DOK6: variants seen among roughly 807,000 people sequenced by gnomAD.
DOK6 encodes docking protein 6, also known as downstream of tyrosine kinase 6.
Under a neutral mutation model 44.0 loss-of-function variants are expected in DOK6, and 22 were observed. The ratio of observed to expected loss-of-function variants is 0.50; its 90% CI spans 0.36 to 0.71. The LOEUF is 0.71. DOK6 is among the 30% of genes least tolerant of loss of function. DOK6 has a pLI of 0.00. For missense variants in DOK6, 340 were observed against 416.4 expected, an observed-to-expected ratio of 0.82 and a Z score of 1.60; for synonymous variants, 166 against 145.5, an observed-to-expected ratio of 1.14 and a Z score of -1.01.
In DOK6 at chr18:69,630,089, A is replaced by C. The variant is rs1454426090; in HGVS notation, c.289+30591A>C. 3.3e-5 allele frequency among the ~76,000 whole-genome samples: 5 copies of C among 152,290 alleles called. No homozygotes were observed. The East Asian group carries it at 9.6e-4, about 29-fold the overall frequency. On this transcript the variant is annotated intron_variant, in intron 3 of 7. Coordinates refer to ENST00000382713, the MANE Select transcript of DOK6 (RefSeq NM_152721.6). ...GCACACTTCCAGCAGAAACTGTAAT[A>C]TACAGATGACTCTGCATTTGATGGT...
chr18:69,808,579 T>G (rs989511162), intron 7 of DOK6, among the ~76,000 whole-genome samples: 2 of 151,612 alleles, frequency 1.3e-5, no homozygotes, highest in African/African-American at 4.8e-5. Context: ...GTAAATAAAA[T>G]GAGAACTGAA....
chr18:69,678,504 T>C (rs942010688), intron 4 of DOK6, among the ~76,000 whole-genome samples: 1 of 152,184 alleles, frequency 6.6e-6, no homozygotes, highest in Non-Finnish European at 1.5e-5. Flanking sequence ...GCTTATCAGG[T>C]TATCGGTAGC....
rs527951968 is a variant in DOK6 at position 69,546,600 on chromosome 18, T to C, written c.67-17887T>C. ...AAGAAAATACAATCGTATTTCACAG[T>C]CCAAGTTATATGCTCTTTGCCTTTT... On this transcript the variant is annotated intron_variant, in intron 1 of 7. Coordinates refer to ENST00000382713, the MANE Select transcript of DOK6 (RefSeq NM_152721.6). Among the ~76,000 whole-genome samples, 159 of 151,810 alleles carry C rather than the reference T, an allele frequency of 1.0e-3. 8 individuals are homozygous for C. Among genetic ancestry groups the C allele is most frequent in the Middle Eastern group, 3.4e-3 (1 of 294 alleles).
At chr18:69,762,954 AT>A (rs1421713514) in intron 7 of DOK6, among the ~76,000 whole-genome samples, 1 of 152,176 alleles carries the variant, frequency 6.6e-6, no homozygotes, top group African/African-American at 2.4e-5. Flanking sequence ...CAGTAATCTG[AT>A]TTCCTTGTTT....
intron 3 of DOK6, among the ~76,000 whole-genome samples, chr18:69,604,504 T>C (rs974416326): frequency 1.3e-5 from 2 of 152,208 alleles, no homozygotes; most frequent in African/African-American, 4.8e-5. Flanking sequence ...TAGCAAATGG[T>C]TTTCAACTAC....
At chr18:69,569,248 T>C (rs1983058284) in intron 2 of DOK6, among the ~76,000 whole-genome samples, 1 of 152,176 alleles carries the variant, frequency 6.6e-6, no homozygotes. Context: ...CTCTTAAATA[T>C]GTACATAAAC....
chr18:69,434,207 A>G (rs556837560), intron 1 of DOK6, among the ~76,000 whole-genome samples: 11 of 152,256 alleles, frequency 7.2e-5, no homozygotes, highest in African/African-American at 1.9e-4. Flanking sequence ...GTGGTTTTCA[A>G]TTTCTCTACC....
intron 5 of DOK6, among the ~76,000 whole-genome samples, chr18:69,720,730 T>G (rs1480321754): frequency 6.6e-6 from 1 of 152,210 alleles, no homozygotes. Flanking sequence ...AAATACTTAT[T>G]TCTTTTAGTA....
intron 1 of DOK6, among the ~76,000 whole-genome samples, chr18:69,442,536 T>C (rs1291526258): frequency 6.6e-6 from 1 of 152,198 alleles, no homozygotes; most frequent in Non-Finnish European, 1.5e-5. Context: ...ACTGCCCCCA[T>C]GATCTAATCA....
intron 1 of DOK6, among the ~76,000 whole-genome samples, chr18:69,550,398 A>G (rs1982530851): frequency 6.6e-6 from 1 of 152,232 alleles, no homozygotes; most frequent in Non-Finnish European, 1.5e-5. Context: ...AAAACAAAAC[A>G]GAATAAAAAC....
chr18:69,832,261 G>A (rs1981921997), intron 7 of DOK6, among the ~76,000 whole-genome samples: 1 of 152,068 alleles, frequency 6.6e-6, no homozygotes, highest in African/African-American at 2.4e-5. Flanking sequence ...ACTTTATCAA[G>A]TGCTTCTATA....
At chr18:69,709,415 T>A (rs1427276543) in intron 5 of DOK6, among the ~76,000 whole-genome samples, 2 of 152,220 alleles carry the variant, frequency 1.3e-5, no homozygotes, top group Non-Finnish European at 2.9e-5. Flanking sequence ...GCAATATTTT[T>A]TAAAAAAATA....
intron 3 of DOK6, among the ~76,000 whole-genome samples, chr18:69,650,410 A>G (rs1210876163): frequency 6.6e-6 from 1 of 152,176 alleles, no homozygotes; most frequent in African/African-American, 2.4e-5. Flanking sequence ...GCAAAGCCCT[A>G]GACATCTTCC....
rs773937625 is a variant in DOK6 at position 69,713,139 on chromosome 18, T to C, written c.599+14546T>C. ...GGACGCCCAGATCACAATCTATCCC[T>C]AGCCAGTTGAATGAGAAAGCTATTA... On this transcript the variant is annotated intron_variant, in intron 5 of 7. Coordinates refer to ENST00000382713, the MANE Select transcript of DOK6 (RefSeq NM_152721.6). Among the ~76,000 whole-genome samples, 38 of 152,288 alleles carry C rather than the reference T, an allele frequency of 2.5e-4. 1 individual carries two copies. The highest frequency in any genetic ancestry group is 8.8e-5 in the Non-Finnish European group (6 of 68,026).
At chr18:69,432,717 C>T (rs1978842253) in intron 1 of DOK6, among the ~76,000 whole-genome samples, 1 of 151,832 alleles carries the variant, frequency 6.6e-6, no homozygotes, top group East Asian at 1.9e-4. Flanking sequence ...AACTTGTTTC[C>T]AGAGTTTCCA....
chr18:69,554,069 C>T (rs1982630434), intron 1 of DOK6, among the ~76,000 whole-genome samples: 1 of 152,106 alleles, frequency 6.6e-6, no homozygotes, highest in Non-Finnish European at 1.5e-5. Context: ...AAATGGGTCG[C>T]ATAACATCTG....
At chr18:69,760,400 T>C (rs1452106871) in intron 7 of DOK6, among the ~76,000 whole-genome samples, 4 of 151,926 alleles carry the variant, frequency 2.6e-5, no homozygotes, top group Admixed American at 2.0e-4. Context: ...AGAGTTTGAT[T>C]TTTTTTTCCC....
intron 2 of DOK6, among the ~76,000 whole-genome samples, chr18:69,578,899 A>G (rs1464626069): frequency 2.0e-5 from 3 of 151,910 alleles, no homozygotes; most frequent in Admixed American, 2.0e-4. Context: ...GCATCCTTTG[A>G]AATAAATAAT....
At chr18:69,777,669 C>T (rs1980115263) in intron 7 of DOK6, among the ~76,000 whole-genome samples, 1 of 150,442 alleles carries the variant, frequency 6.6e-6, no homozygotes, top group African/African-American at 2.4e-5. Context: ...GCCTCCTTCC[C>T]AATCTCCCAC....
Sources: gnomAD v4.1 joint callset for allele counts (sites outside exome capture counted in the v4.1 genomes callset) on GRCh38, gnomAD v4.1.1 for gene constraint, MANE v1.5 for transcripts, NCBI Gene and HGNC (gene_info 2026-07-23, HGNC 2026-07-21) for gene names.